MINDY4: variants seen among roughly 807,000 people sequenced by gnomAD.
The protein encoded by MINDY4 is MINDY lysine 48 deubiquitinase 4, also known as probable ubiquitin carboxyl-terminal hydrolase MINDY-4.
MINDY4 carries 68 observed loss-of-function variants against 87.0 expected under a neutral mutation model. The observed-to-expected ratio is 0.78, with a 90% CI of 0.64 to 0.96. The LOEUF is 0.96. Among genes scored for constraint, MINDY4 ranks in the 40% least tolerant of loss-of-function variants. The probability of loss-of-function intolerance (pLI) is 0.00; values close to 1 mark genes in which losing one functional copy is unlikely to be tolerated. For synonymous variants in MINDY4, 379 were observed against 363.2 expected, an observed-to-expected ratio of 1.04 and a Z score of -0.50; for missense variants, 919 against 928.2, an observed-to-expected ratio of 0.99 and a Z score of 0.13.
At chr7:30,779,509 G>T (rs952086234) in intron 2 of MINDY4, 3 of 152,152 alleles carry the variant, frequency 2.0e-5, no homozygotes, top group African/African-American at 7.2e-5. Flanking sequence ...TTTTAAAAAA[G>T]CAATAAAATG....
intron 16 of MINDY4, 67 bp from the exon 17 acceptor site, chr7:30,882,854 C>A: frequency 6.8e-7 from 1 of 1,478,822 alleles, no homozygotes; most frequent in South Asian, 1.2e-5. Context: ...CGGGAGTGGT[C>A]AGCGCTGACC....
At chr7:30,798,343 G>A (rs931006880) in intron 5 of MINDY4, among the ~76,000 whole-genome samples, 5 of 152,180 alleles carry the variant, frequency 3.3e-5, no homozygotes, top group Non-Finnish European at 7.3e-5. Flanking sequence ...TGGATGTGCT[G>A]TGTTAGAGAA....
chr7:30,845,150 A>G (rs1378083674), intron 9 of MINDY4, among the ~76,000 whole-genome samples: 4 of 152,174 alleles, frequency 2.6e-5, no homozygotes, highest in African/African-American at 9.7e-5. Context: ...TCTGAGTTTT[A>G]GACTTCCATC....
rs560247503 is a variant in MINDY4, at chr7:30,789,608, C to T, written c.664-1557C>T. On this transcript the variant is annotated intron_variant, in intron 4 of 17. Coordinates refer to ENST00000265299, the MANE Select transcript of MINDY4 (RefSeq NM_032222.3). ...CTCGGGAATGGTGACTAATGTCTTC[C>T]TCACTTTGTGGAGGGGATGTCCTGA... Among the ~76,000 whole-genome samples the T allele has an allele frequency of 3.9e-5, 6 of 152,358 alleles. No individual in the cohort carries two copies. In the South Asian group the frequency reaches 1.2e-3, roughly 32 times the overall value.
intron 3 of MINDY4, among the ~76,000 whole-genome samples, chr7:30,784,117 T>TAGC (rs1435357423): frequency 6.6e-6 from 1 of 151,062 alleles, no homozygotes; most frequent in African/African-American, 2.4e-5. Context: ...GACAAGCAAT[T>TAGC]AGCACAAGGA....
intron 16 of MINDY4, 32 bp downstream of exon 16, chr7:30,882,393 C>T: frequency 1.4e-6 from 2 of 1,462,856 alleles, no homozygotes; most frequent in Non-Finnish European, 1.8e-6. Context: ...CCCACCCAAC[C>T]CTGTCCCCAA....
chr7:30,775,737 A>G (rs1181441363), intron 1 of MINDY4, among the ~76,000 whole-genome samples: 1 of 152,186 alleles, frequency 6.6e-6, no homozygotes, highest in Non-Finnish European at 1.5e-5. Context: ...CATACAGAAG[A>G]CATTCTTATC....
At chr7:30,886,664 G>A (rs1294060729) in intron 17 of MINDY4, among the ~76,000 whole-genome samples, 1 of 152,210 alleles carries the variant, frequency 6.6e-6, no homozygotes, top group Non-Finnish European at 1.5e-5. Flanking sequence ...ACCTGGCTTT[G>A]TTGCCTCGGT....
chr7:30,826,090 T>G (rs1317980221), intron 5 of MINDY4, among the ~76,000 whole-genome samples: 2 of 152,248 alleles, frequency 1.3e-5, no homozygotes, highest in Non-Finnish European at 2.9e-5. Context: ...TTTACCTCTT[T>G]ATGATAAGGA....
chr7:30,799,110 T>G (rs757182197), intron 5 of MINDY4, among the ~76,000 whole-genome samples: 4 of 152,116 alleles, frequency 2.6e-5, no homozygotes, highest in African/African-American at 4.8e-5. Flanking sequence ...GGTTGCAGTC[T>G]GCTGAGCAGA....
chr7:30,858,644 G>T (rs1789651826), intron 12 of MINDY4: 1 of 131,214 alleles, frequency 7.6e-6, no homozygotes, highest in Non-Finnish European at 1.5e-5. Flanking sequence ...AAATGTTGAT[G>T]TTTTAAAAAT....
At chr7:30,876,583 G>A (rs1790265319) in intron 15 of MINDY4, among the ~76,000 whole-genome samples, 1 of 152,202 alleles carries the variant, frequency 6.6e-6, no homozygotes, top group African/African-American at 2.4e-5. Flanking sequence ...TACCTCTGGA[G>A]AATGTGGCCA....
rs10261584 is a variant in MINDY4 at position 30,790,185 on chromosome 7, C to T, written c.664-980C>T. On this transcript the variant is annotated intron_variant, in intron 4 of 17. Transcript: ENST00000265299. The stretch of plus-strand genomic sequence containing the variant: ...GGGAGAAGTACTACAGGTGCCTCAT[C>T]CCTCATCCAAAACCTTTGGGCTGGA... Among the ~76,000 whole-genome samples the T allele has an allele frequency of 5.5e-3, 831 of 152,266 alleles. 8 individuals are homozygous for T. Among genetic ancestry groups the T allele is most frequent in the African/African-American group, 0.019 (797 of 41,562 alleles).
intron 5 of MINDY4, among the ~76,000 whole-genome samples, chr7:30,806,978 G>C (rs1157783220): frequency 6.6e-6 from 1 of 152,226 alleles, no homozygotes; most frequent in Non-Finnish European, 1.5e-5. Context: ...AAGTCTAAGA[G>C]AGGACAGTGG....
At position 30,850,486 on chromosome 7, in the gene MINDY4, G is replaced by A. The variant is rs750435552; in HGVS notation, c.1478G>A (p.Arg493His). 1.4e-5 allele frequency: 23 copies of A among 1,612,154 alleles called. No individual in the cohort carries two copies. In the Admixed American group the frequency reaches 1.8e-4, roughly 13 times the overall value. Residue 493 changes from arginine to histidine, a missense_variant, in exon 10 of 18, where the codon CGC (arginine) becomes CAC (histidine). Transcript: ENST00000265299. ...CAGCCTTCAGATGCCCACCGGACCC[G>A]CTGCCTCGTCCTGGCCCTCGCAGAC... ...GLQPSDAHRTRCLVLALADIV... is the reference protein window; with the variant it reads ...GLQPSDAHRTHCLVLALADIV...
intron 6 of MINDY4, 140 bp downstream of exon 6, chr7:30,828,877 A>G (rs1369618369): frequency 4.3e-6 from 3 of 704,308 alleles, no homozygotes; most frequent in Non-Finnish European, 7.4e-6. Flanking sequence ...TGAGTAGAGT[A>G]GACTACTCTC....
chr7:30,810,219 A>C (rs1160686350), intron 5 of MINDY4, among the ~76,000 whole-genome samples: 1 of 151,120 alleles, frequency 6.6e-6, no homozygotes, highest in Non-Finnish European at 1.5e-5. Context: ...AATAAGTCAG[A>C]AAGTTGAGGC....
chr7:30,855,103 G>T (rs1313384340), intron 12 of MINDY4, among the ~76,000 whole-genome samples: 1 of 152,240 alleles, frequency 6.6e-6, no homozygotes, highest in Admixed American at 6.5e-5. Context: ...CGCCTGGCCT[G>T]GGCAGAGGAG....
At chr7:30,823,221 C>T (rs962719395) in intron 5 of MINDY4, among the ~76,000 whole-genome samples, 1 of 151,936 alleles carries the variant, frequency 6.6e-6, no homozygotes, top group African/African-American at 2.4e-5. Context: ...GATAACTTTC[C>T]CTTTTGCAAT....
Sources: allele counts gnomAD v4.1 joint callset (sites outside exome capture counted in the v4.1 genomes callset), GRCh38; gene constraint gnomAD v4.1.1; transcripts MANE v1.5; gene names NCBI Gene and HGNC (gene_info 2026-07-23, HGNC 2026-07-21).